The following ATP2B1 variants were observed in gnomAD, a reference collection of about 807,000 sequenced individuals.
ATP2B1 encodes plasma membrane calcium-transporting ATPase 1.
A neutral mutation model predicts 124.2 loss-of-function variants in ATP2B1; 14 were observed. The observed-to-expected ratio is 0.11, with a 90% CI of 0.07 to 0.18. ATP2B1 has a LOEUF of 0.18. ATP2B1 is among the 10% of genes least tolerant of loss of function. The pLI, the probability that ATP2B1 is intolerant of heterozygous loss-of-function variation, is 1.00. For missense variants in ATP2B1, 763 were observed against 1,466.1 expected (o/e 0.52, Z 7.83); for synonymous variants, 449 against 492.4 (o/e 0.91, Z 1.17).
intron 1 of ATP2B1, among the ~76,000 whole-genome samples, chr12:89,681,218 A>G (rs1401287486): frequency 6.6e-6 from 1 of 152,178 alleles, no homozygotes; most frequent in African/African-American, 2.4e-5. Flanking sequence ...TACTGAATAA[A>G]AATGACAGAA....
Position 89,620,190 on chromosome 12 carries a change from T to C in ATP2B1, c.1638A>G (p.Glu546=), listed in dbSNP as rs778869276. ...GLPRHVGNKT[E]CALLGLLLDL... is the part of the protein sequence containing the mutation. ...CCAAAAGAAGTCCCAACAAGGCACATTCAGTTTTATTACCAACGTGACGAG... is the reference window on the plus strand; with the variant it reads ...CCAAAAGAAGTCCCAACAAGGCACACTCAGTTTTATTACCAACGTGACGAG... The change falls in exon 11 of 21, where the codon GAA becomes GAG. Residue 546 remains glutamate (E), a synonymous_variant. Transcript: ENST00000428670. 8.7e-6 allele frequency: 14 copies of C among 1,613,984 alleles called. No individual in the cohort carries two copies. The African/African-American group carries it at 1.5e-4, about 17-fold the overall frequency.
chr12:89,627,602 G>A, intron 7 of ATP2B1, 76 bp downstream of exon 7: 1 of 1,500,722 alleles, frequency 6.7e-7, no homozygotes, highest in Non-Finnish European at 9.2e-7. Context: ...TCTTACTTTT[G>A]AATAAATATG....
At chr12:89,621,179 A>T (rs1198582246) in intron 10 of ATP2B1, among the ~76,000 whole-genome samples, 3 of 152,148 alleles carry the variant, frequency 2.0e-5, no homozygotes, top group Non-Finnish European at 4.4e-5. Flanking sequence ...ATGTTATTTT[A>T]AGTTGAAATC....
chr12:89,642,382 A>G, intron 2 of ATP2B1, 27 bp from the exon 3 acceptor site: 14 of 1,574,904 alleles, frequency 8.9e-6, no homozygotes, highest in Non-Finnish European at 1.1e-5. Context: ...AATTTCAGTG[A>G]ACAGTTTTAC....
chr12:89,674,935 G>T (rs1888433419), intron 1 of ATP2B1, among the ~76,000 whole-genome samples: 1 of 152,136 alleles, frequency 6.6e-6, no homozygotes, highest in Non-Finnish European at 1.5e-5. Context: ...GAAAACACTA[G>T]CCGTTACATA....
intron 1 of ATP2B1, among the ~76,000 whole-genome samples, chr12:89,704,915 C>T (rs1257586198): frequency 1.3e-5 from 2 of 152,102 alleles, no homozygotes; most frequent in Non-Finnish European, 2.9e-5. Flanking sequence ...ATTGAGTATA[C>T]CGTATTCTGA....
chr12:89,629,747 A>G (rs1406179243), intron 6 of ATP2B1, among the ~76,000 whole-genome samples: 1 of 152,226 alleles, frequency 6.6e-6, no homozygotes, highest in Non-Finnish European at 1.5e-5. Context: ...TGGCTAAACC[A>G]CCGTAAAATG....
chr12:89,687,411 T>G (rs7136259), intron 1 of ATP2B1, among the ~76,000 whole-genome samples: 5 of 151,896 alleles, frequency 3.3e-5, no homozygotes, highest in African/African-American at 7.3e-5. Flanking sequence ...CTGTGTGAAT[T>G]TGCACAATAA....
intron 6 of ATP2B1, among the ~76,000 whole-genome samples, chr12:89,628,023 T>C (rs1881173479): frequency 6.6e-6 from 1 of 151,998 alleles, no homozygotes; most frequent in African/African-American, 2.4e-5. Context: ...AATACAAATA[T>C]AACCCCAAGA....
At chr12:89,647,988 C>A (rs1301048171) in intron 2 of ATP2B1, among the ~76,000 whole-genome samples, 1 of 152,168 alleles carries the variant, frequency 6.6e-6, no homozygotes, top group East Asian at 1.9e-4. Context: ...CAGGCAGATG[C>A]CAGTGCCATG....
intron 9 of ATP2B1, among the ~76,000 whole-genome samples, chr12:89,623,190 G>A (rs901311120): frequency 1.3e-5 from 2 of 151,948 alleles, no homozygotes; most frequent in African/African-American, 2.4e-5. Context: ...AGGTAGAAAC[G>A]ATGACTAATT....
upstream of ATP2B1, chr12:89,708,993 C>A (rs373277084): frequency 6.6e-6 from 1 of 151,326 alleles, no homozygotes; most frequent in Non-Finnish European, 1.5e-5. Context: ...TCGCTCGGCA[C>A]GGGCAGCTCA....
At chr12:89,661,060 T>G (rs1284463664) in intron 1 of ATP2B1, among the ~76,000 whole-genome samples, 1 of 152,178 alleles carries the variant, frequency 6.6e-6, no homozygotes, top group African/African-American at 2.4e-5. Context: ...AAAAATCTTC[T>G]AAAGATAAAG....
intron 19 of ATP2B1, 62 bp downstream of exon 19, chr12:89,601,264 C>T: frequency 1.7e-5 from 19 of 1,129,572 alleles, no homozygotes; most frequent in Non-Finnish European, 2.2e-5. Flanking sequence ...AAAGAAAATA[C>T]ACACTAGAAA....
chr12:89,698,409 A>G (rs1344738979), intron 1 of ATP2B1, among the ~76,000 whole-genome samples: 4 of 152,242 alleles, frequency 2.6e-5, no homozygotes, highest in African/African-American at 9.7e-5. Flanking sequence ...TTCCATGTAC[A>G]TAAAATTCCA....
chr12:89,675,172 T>C (rs1325124111), intron 1 of ATP2B1, among the ~76,000 whole-genome samples: 1 of 152,174 alleles, frequency 6.6e-6, no homozygotes, highest in Non-Finnish European at 1.5e-5. Flanking sequence ...GTGAAAGGCA[T>C]CATATTACAC....
chr12:89,655,731 G>A lies in ATP2B1; in HGVS notation c.156C>T (p.Ser52=), dbSNP rs1885878141. ...TGCAAATTCCATAGACATCTCCATA[G>A]CTTTCCTGTATTTTTCGTAATGCAT... ...STDALRKIQE[S]YGDVYGICTK... is the part of the protein sequence containing the mutation. Residue 52 remains serine, a synonymous_variant, in exon 2 of 21, where the codon AGC becomes AGT. Coordinates refer to ENST00000428670, the MANE Select transcript of ATP2B1 (RefSeq NM_001366521.1). 5.6e-6 allele frequency: 9 copies of A among 1,614,136 alleles called. No homozygotes were observed. The Middle Eastern group carries it at 4.9e-4, about 89-fold the overall frequency.
At chr12:89,700,836 G>T (rs1891760902) in intron 1 of ATP2B1, among the ~76,000 whole-genome samples, 1 of 152,142 alleles carries the variant, frequency 6.6e-6, no homozygotes, top group African/African-American at 2.4e-5. Context: ...AAATTTAAAA[G>T]GTTGGGAGAA....
intron 20 of ATP2B1, 119 bp from the exon 21 acceptor site, chr12:89,591,414 T>C: frequency 1.2e-6 from 1 of 864,608 alleles, no homozygotes; most frequent in Non-Finnish European, 1.7e-6. Context: ...TTGCATGTAA[T>C]GCAGTGGAAC....
Sources: gnomAD v4.1 joint callset for allele counts (sites outside exome capture counted in the v4.1 genomes callset) on GRCh38, gnomAD v4.1.1 for gene constraint, MANE v1.5 for transcripts, NCBI Gene and HGNC (gene_info 2026-07-23, HGNC 2026-07-21) for gene names.